NAALAD2: variants seen among roughly 807,000 people sequenced by gnomAD.
NAALAD2 encodes the protein N-acetylated-alpha-linked acidic dipeptidase 2.
In NAALAD2, 89 loss-of-function variants were observed where a neutral mutation model predicts 95.6. The observed-to-expected ratio is 0.93, with a 90% CI of 0.78 to 1.11. The LOEUF is 1.11. NAALAD2 is among the 50% of genes least tolerant of loss of function. NAALAD2 has a pLI of 0.00. For synonymous variants in NAALAD2, 264 were observed against 294.4 expected (o/e 0.90, Z 1.06); for missense variants, 894 against 872.4 (o/e 1.02, Z -0.31).
In NAALAD2 at chr11:90,134,825, A is replaced by T. The variant is rs754748753; in HGVS notation, c.67A>T (p.Met23Leu). Residue 23 changes from methionine (M) to leucine (L), a missense_variant, in exon 1 of 19, where the codon ATG becomes TTG. By Grantham distance (15) the Met-to-Leu change is conservative. Coordinates refer to ENST00000534061, the MANE Select transcript of NAALAD2 (RefSeq NM_005467.4). ...GGCTGCTGCGCTGGCATCTTTCCTGATGGGATTTATGGTGGGTAAGTGAAC... is the reference window on the plus strand; with the variant it reads ...GGCTGCTGCGCTGGCATCTTTCCTGTTGGGATTTATGGTGGGTAAGTGAAC... ...CLAAALASFLMGFMVGWFIKP... is the reference protein window; with the variant it reads ...CLAAALASFLLGFMVGWFIKP... 14 of 1,613,922 alleles carry T rather than the reference A, an allele frequency of 8.7e-6. No individual in the cohort carries two copies. Among genetic ancestry groups the T allele is most frequent in the Admixed American group, 1.7e-5 (1 of 59,992 alleles).
At chr11:90,145,700 G>T (rs756719466) in intron 2 of NAALAD2, among the ~76,000 whole-genome samples, 2 of 152,180 alleles carry the variant, frequency 1.3e-5, no homozygotes, top group African/African-American at 2.4e-5. Context: ...AGATGAGAAA[G>T]GAGAGTGATT....
At chr11:90,139,056 G>A (rs1951533231) in intron 2 of NAALAD2, among the ~76,000 whole-genome samples, 1 of 152,020 alleles carries the variant, frequency 6.6e-6, no homozygotes, top group East Asian at 1.9e-4. Flanking sequence ...TTAGAGAGAT[G>A]TGTTTGGGGG....
upstream of NAALAD2, chr11:90,134,544 G>A: frequency 1.8e-6 from 1 of 551,832 alleles, no homozygotes; most frequent in Admixed American, 3.1e-5. Flanking sequence ...CCCGCCAACA[G>A]GAAGAATGTC....
chr11:90,167,657 T>G (rs990358156), intron 11 of NAALAD2, among the ~76,000 whole-genome samples: 4 of 152,090 alleles, frequency 2.6e-5, no homozygotes, highest in Admixed American at 1.3e-4. Context: ...GGATTGTAAA[T>G]ACACCAATCA....
chr11:90,142,120 T>C (rs1951634659), intron 2 of NAALAD2, among the ~76,000 whole-genome samples: 1 of 152,168 alleles, frequency 6.6e-6, no homozygotes. Context: ...TGAATGGGTG[T>C]TGAATTTTGT....
chr11:90,158,364 G>A (rs1211233968), intron 7 of NAALAD2, 126 bp downstream of exon 7: 4 of 669,310 alleles, frequency 6.0e-6, no homozygotes, highest in East Asian at 2.7e-5. Context: ...TCCTGAAATA[G>A]GAATAACAGA....
chr11:90,170,137 GTA>G lies in NAALAD2; in HGVS notation c.1410+6_1410+7del. ...ATTAGTGTATAAACTGACAAAAGAG[GTA>G]TATAAGGAAATGTGTCTTCATATGT... On this transcript the variant is annotated splice_donor_variant and splice_donor_region_variant and intron_variant, in intron 13 of 18. Coordinates refer to ENST00000534061, the MANE Select transcript of NAALAD2 (RefSeq NM_005467.4). LOFTEE classifies it high-confidence loss of function. 3.2e-6 allele frequency: 5 copies of G among 1,551,440 alleles called. No individual in the cohort carries two copies. Among genetic ancestry groups the G allele is most frequent in the Non-Finnish European group, 4.5e-6 (5 of 1,123,242 alleles).
At chr11:90,141,081 G>C (rs1430058619) in intron 2 of NAALAD2, among the ~76,000 whole-genome samples, 1 of 151,922 alleles carries the variant, frequency 6.6e-6, no homozygotes, top group Non-Finnish European at 1.5e-5. Context: ...TCTGTTTCTG[G>C]GTTTTATATT....
At position 90,177,834 on chromosome 11, in the gene NAALAD2, C is replaced by A; in HGVS notation, c.1594-19C>A. ...ATATTTAATGTTTATTTATACTTGCCTCTCCATTTTTTTTTCAGAAAACAG... is the reference window on the plus strand; with the variant it reads ...ATATTTAATGTTTATTTATACTTGCATCTCCATTTTTTTTTCAGAAAACAG... On this transcript the variant is annotated intron_variant, in intron 15 of 18. Transcript: ENST00000534061. The A allele has an allele frequency of 6.3e-7, 1 of 1,584,024 alleles. No homozygotes were observed. The highest frequency in any genetic ancestry group is 8.6e-7 in the Non-Finnish European group (1 of 1,166,810).
chr11:90,149,713 C>T (rs566104693), intron 4 of NAALAD2, among the ~76,000 whole-genome samples: 29 of 152,158 alleles, frequency 1.9e-4, no homozygotes, highest in Non-Finnish European at 3.2e-4. Flanking sequence ...GCTGGGATTA[C>T]AGGCGTGAGC....
intron 6 of NAALAD2, among the ~76,000 whole-genome samples, chr11:90,153,346 T>C (rs1951941413): frequency 6.6e-6 from 1 of 152,186 alleles, no homozygotes; most frequent in African/African-American, 2.4e-5. Flanking sequence ...GTTGGATATT[T>C]AACTTTTACA....
intron 14 of NAALAD2, among the ~76,000 whole-genome samples, chr11:90,174,126 A>G (rs1952717716): frequency 6.6e-6 from 1 of 152,066 alleles, no homozygotes; most frequent in Admixed American, 6.5e-5. Flanking sequence ...GAGGTCAGGC[A>G]TTGGAGACCA....
At chr11:90,169,624 T>G (rs1014542452) in intron 12 of NAALAD2, 1 of 161,442 alleles carries the variant, frequency 6.2e-6, no homozygotes, top group Non-Finnish European at 1.3e-5. Flanking sequence ...AATGAAGAGA[T>G]TCGTGTCTCT....
At chr11:90,133,812 A>G (rs1203792804), upstream of NAALAD2, among the ~76,000 whole-genome samples, 3 of 147,240 alleles carry the variant, frequency 2.0e-5, no homozygotes, top group African/African-American at 7.7e-5. Flanking sequence ...GGTTAATGAA[A>G]ACTCAGGAAA....
chr11:90,163,570 TG>T lies in NAALAD2; in HGVS notation c.1234del (p.Asp412MetfsTer35). The T allele has an allele frequency of 6.2e-7, 1 of 1,614,068 alleles. No individual in the cohort carries two copies. On this transcript the variant is annotated frameshift_variant, in exon 11 of 19. Transcript: ENST00000534061. LOFTEE classifies it high-confidence loss of function. ...TAGAAGAACTATCATTTTTGCCAGC[TG>T]GGATGCAGAAGAATTTGGACTTCTG... ...RPRRTIIFAS[W>X]DAEEFGLLGS...
intron 2 of NAALAD2, 122 bp downstream of exon 2, chr11:90,135,792 T>A: frequency 7.8e-6 from 5 of 644,882 alleles, no homozygotes; most frequent in Non-Finnish European, 1.2e-5. Context: ...ATATTAGTCA[T>A]CAACTTTTTT....
chr11:90,158,601 A>G (rs984758427), intron 7 of NAALAD2: 1 of 195,788 alleles, frequency 5.1e-6, no homozygotes, highest in African/African-American at 2.4e-5. Context: ...TACTAGAGGT[A>G]TGACCTTGGA....
intron 18 of NAALAD2, among the ~76,000 whole-genome samples, chr11:90,183,636 A>C (rs1857032808): frequency 6.6e-6 from 1 of 152,170 alleles, no homozygotes; most frequent in African/African-American, 2.4e-5. Flanking sequence ...ACCATACTTC[A>C]AGTACCCATG....
chr11:90,180,395 ACTAGGACTAAAAT>A (rs1304074143), intron 16 of NAALAD2, among the ~76,000 whole-genome samples: 1 of 152,128 alleles, frequency 6.6e-6, no homozygotes, highest in East Asian at 1.9e-4. Context: ...GGACTAAAAG[ACTAGGACTAAAAT>A]CTAGGACTAA....
Sources: allele counts gnomAD v4.1 joint callset (sites outside exome capture counted in the v4.1 genomes callset), GRCh38; gene constraint gnomAD v4.1.1; transcripts MANE v1.5; gene names NCBI Gene and HGNC (gene_info 2026-07-23, HGNC 2026-07-21).